The following CCDC180 variants were observed in gnomAD, a reference collection of about 807,000 sequenced individuals.
CCDC180 encodes coiled-coil domain containing 180.
A neutral mutation model predicts 209.2 loss-of-function variants in CCDC180; 154 were observed. That is an observed-to-expected ratio of 0.74 (90% CI 0.65 to 0.84). The LOEUF (loss-of-function observed/expected upper bound fraction) is 0.84, where lower values mean the gene tolerates loss of function less well. CCDC180 is among the 40% of genes least tolerant of loss of function. CCDC180 has a pLI of 0.00. For synonymous variants in CCDC180, 778 were observed against 749.1 expected (o/e 1.04, Z -0.63); for missense variants, 1,874 against 1,997.3 (o/e 0.94, Z 1.18).
intron 22 of CCDC180, among the ~76,000 whole-genome samples, chr9:97,352,677 G>T (rs1826452807): frequency 6.6e-6 from 1 of 152,084 alleles, no homozygotes; most frequent in African/African-American, 2.4e-5. Flanking sequence ...ATATTATTAA[G>T]ATTTTTCTGA....
rs200229981 is a variant in CCDC180 at position 97,325,117 on chromosome 9, C to T, written c.1470C>T (p.Ser490=). ...EVVQLWEAHQ[S]ELLVQELELE... ...TACAACTGTGGGAGGCACACCAGAG[C>T]GAGCTGTTGGTGCAGGAGCTGGAGC... The change falls in exon 14 of 37, where the codon AGC becomes AGT. Residue 490 remains serine, a synonymous_variant. Coordinates refer to ENST00000529487, the MANE Select transcript of CCDC180 (RefSeq NM_020893.6). 1.1e-5 allele frequency: 17 copies of T among 1,613,354 alleles called. No homozygotes were observed. The highest frequency in any genetic ancestry group is 1.7e-5 in the Admixed American group (1 of 59,920).
In CCDC180 at chr9:97,354,447, T is replaced by G. The variant is rs1252753934; in HGVS notation, c.3003-122T>G. ...GTCCTTAAGCTATCTGTGTTCATTT[T>G]CCCACATCTTGAACTCTAACCGGAA... On this transcript the variant is annotated intron_variant, in intron 22 of 36. Coordinates refer to ENST00000529487, the MANE Select transcript of CCDC180 (RefSeq NM_020893.6). The G allele has an allele frequency of 3.2e-6, 3 of 949,064 alleles. No homozygotes were observed. The East Asian group carries it at 7.3e-5, about 23-fold the overall frequency. The allele number at this position is 949,064 out of a possible 1,614,324, so 58.8% of individuals were successfully genotyped here.
At chr9:97,314,257 C>T (rs1297037441) in intron 5 of CCDC180, 136 bp from the exon 6 acceptor site, 2 of 1,021,202 alleles carry the variant, frequency 2.0e-6, no homozygotes, top group Admixed American at 4.5e-5. Flanking sequence ...AGTAGTGAGC[C>T]TCAACTCGTT....
chr9:97,361,723 C>A lies in CCDC180; in HGVS notation c.3484-3C>A. The A allele has an allele frequency of 6.2e-7, 1 of 1,613,736 alleles. No individual in the cohort carries two copies. ...CCCTCAGGCCCTTCTCTCTGGCCTG[C>A]AGAACACCATCCTGAAGGACCAGGA... On this transcript the variant is annotated splice_polypyrimidine_tract_variant and splice_region_variant and intron_variant, in intron 26 of 36. Coordinates refer to ENST00000529487, the MANE Select transcript of CCDC180 (RefSeq NM_020893.6).
At chr9:97,316,929 GCCCTGCAACCACCCCACTTGGCCCTCA>G in intron 8 of CCDC180, 109 bp from the exon 9 acceptor site, 1 of 754,888 alleles carries the variant, frequency 1.3e-6, no homozygotes, top group Non-Finnish European at 2.2e-6. Flanking sequence ...TCCCCTTCAG[GCCCTGCAACCACCCCACTTGGCCCTCA>G]CCCTGCACCT....
At chr9:97,358,441 G>A (rs1475179700) in intron 25 of CCDC180, among the ~76,000 whole-genome samples, 3 of 152,062 alleles carry the variant, frequency 2.0e-5, no homozygotes, top group South Asian at 2.1e-4. Context: ...TCTTTTGATC[G>A]TAGCACAGAA....
At position 97,325,037 on chromosome 9, in the gene CCDC180, G is replaced by T; in HGVS notation, c.1390G>T (p.Ala464Ser). 1 of 1,613,886 alleles carries T rather than the reference G, an allele frequency of 6.2e-7. No homozygotes were observed. The highest frequency in any genetic ancestry group is 1.7e-5 in the Admixed American group (1 of 60,006). The change falls in exon 14 of 37, where the codon GCA becomes TCA. Residue 464 changes from alanine (A) to serine (S), a missense_variant. Coordinates refer to ENST00000529487, the MANE Select transcript of CCDC180 (RefSeq NM_020893.6). The stretch of plus-strand genomic sequence containing the variant: ...ACTGCAGAAATCCTTCGAGACTCTG[G>T]CAGATCAGACAGAGTGGCAGAGTTC... ...ELLDKSFETLADQTEWQSSHL... is the reference protein window; with the variant it reads ...ELLDKSFETLSDQTEWQSSHL...
At chr9:97,337,862 G>A (rs1410735244) in intron 18 of CCDC180, among the ~76,000 whole-genome samples, 1 of 152,158 alleles carries the variant, frequency 6.6e-6, no homozygotes, top group Non-Finnish European at 1.5e-5. Flanking sequence ...GGTTTATTCA[G>A]GGATTCAACT....
intron 18 of CCDC180, among the ~76,000 whole-genome samples, chr9:97,332,054 C>T (rs1825768558): frequency 6.6e-6 from 1 of 152,082 alleles, no homozygotes; most frequent in Non-Finnish European, 1.5e-5. Context: ...GTATTTAATT[C>T]ATCTTGAGTT....
intron 16 of CCDC180, among the ~76,000 whole-genome samples, chr9:97,329,146 A>G (rs1477596273): frequency 6.6e-6 from 1 of 152,200 alleles, no homozygotes; most frequent in East Asian, 1.9e-4. Context: ...TAGATTGCTA[A>G]TAGCTGCTCC....
In CCDC180 at chr9:97,350,825, G is replaced by A. The variant is rs1826402484; in HGVS notation, c.3002+270G>A. ...AACTCCCCATTCCTCCTTCCCCATG[G>A]CCCCTGGCAACCACCATCCTCCTTT... On this transcript the variant is annotated intron_variant, in intron 22 of 36. Coordinates refer to ENST00000529487, the MANE Select transcript of CCDC180 (RefSeq NM_020893.6). 6.6e-5 allele frequency among the ~76,000 whole-genome samples: 10 copies of A among 152,114 alleles called. No homozygotes were observed. In the South Asian group the frequency reaches 2.1e-3, roughly 32 times the overall value.
intron 25 of CCDC180, among the ~76,000 whole-genome samples, chr9:97,358,435 T>G (rs144652450): frequency 6.6e-6 from 1 of 152,234 alleles, no homozygotes; most frequent in Non-Finnish European, 1.5e-5. Context: ...CTTGCTTCTT[T>G]TGATCGTAGC....
At chr9:97,335,962 G>T (rs1216497219) in intron 18 of CCDC180, among the ~76,000 whole-genome samples, 3 of 152,094 alleles carry the variant, frequency 2.0e-5, no homozygotes, top group Non-Finnish European at 2.9e-5. Context: ...GTCTGTTGGC[G>T]GCATAAATGT....
At chr9:97,353,178 G>A (rs1231211501) in intron 22 of CCDC180, among the ~76,000 whole-genome samples, 1 of 152,066 alleles carries the variant, frequency 6.6e-6, no homozygotes, top group African/African-American at 2.4e-5. Context: ...TGTATTTTTA[G>A]TAGAGACACG....
intron 9 of CCDC180, among the ~76,000 whole-genome samples, chr9:97,317,467 C>T (rs752526329): frequency 3.3e-5 from 5 of 152,206 alleles, no homozygotes; most frequent in African/African-American, 1.2e-4. Context: ...TCTTTTAGAT[C>T]CATAGAGTAT....
chr9:97,345,799 A>T (rs1192856083), intron 19 of CCDC180: 1 of 163,182 alleles, frequency 6.1e-6, no homozygotes, highest in Non-Finnish European at 1.3e-5. Context: ...TCAGATAAAT[A>T]AATGGCAAAT....
At chr9:97,360,470 C>T (rs1826718186) in intron 26 of CCDC180, among the ~76,000 whole-genome samples, 1 of 152,108 alleles carries the variant, frequency 6.6e-6, no homozygotes, top group Admixed American at 6.5e-5. Flanking sequence ...ACCCCCAACA[C>T]CTCATCCAGA....
intron 18 of CCDC180, among the ~76,000 whole-genome samples, chr9:97,334,116 T>C (rs548348917): frequency 1.2e-4 from 18 of 152,328 alleles, no homozygotes; most frequent in African/African-American, 3.8e-4. Context: ...TGTTTCCCAG[T>C]AAAATTTTCA....
At position 97,374,571 on chromosome 9, in the gene CCDC180, A is replaced by C; in HGVS notation, c.4629A>C (p.Ser1543=). 1 of 1,614,042 alleles carries C rather than the reference A, an allele frequency of 6.2e-7. No individual in the cohort carries two copies. The highest frequency in any genetic ancestry group is 8.5e-7 in the Non-Finnish European group (1 of 1,180,002). ...TGGAGCCCCCCAAACAGAAATTATC[A>C]ATGCTCATACGAAGGAAACTCGCTG... is the stretch of plus-strand genomic sequence containing the variant. ...ARMEPPKQKL[S]MLIRRKLAGL... The change falls in exon 35 of 37, where the codon TCA becomes TCC. Residue 1543 remains serine, a synonymous_variant. Coordinates refer to ENST00000529487, the MANE Select transcript of CCDC180 (RefSeq NM_020893.6).
Sources: allele counts gnomAD v4.1 joint callset (sites outside exome capture counted in the v4.1 genomes callset), GRCh38; gene constraint gnomAD v4.1.1; transcripts MANE v1.5; gene names NCBI Gene and HGNC (gene_info 2026-07-23, HGNC 2026-07-21).